The following PCSK7 variants were observed in gnomAD, a reference collection of about 807,000 sequenced individuals.
PCSK7 encodes the protein proprotein convertase subtilisin/kexin type 7.
In PCSK7, 38 loss-of-function variants were observed where a neutral mutation model predicts 73.3. The observed-to-expected ratio is 0.52, with a 90% CI of 0.40 to 0.68. The LOEUF (loss-of-function observed/expected upper bound fraction) is 0.68, where lower values mean the gene tolerates loss of function less well. Ranked by LOEUF, PCSK7 falls within the 30% of genes least tolerant of loss-of-function variation. The pLI is 0.00. For missense variants in PCSK7, 692 were observed against 991.5 expected (o/e 0.70, Z 4.06); for synonymous variants, 296 against 383.8 (o/e 0.77, Z 2.68).
Position 117,225,967 on chromosome 11 carries a change from T to C in PCSK7, c.824A>G (p.Asn275Ser). The change falls in exon 6 of 17, where the codon AAC becomes AGC. Residue 275 changes from asparagine (N) to serine (S), a missense_variant. Transcript: ENST00000320934. ...GATGTCATTGATCTGATAGTGCTTGTTGAACGCCACTGCCTCCATGCTGTC... is the reference window on the plus strand; with the variant it reads ...GATGTCATTGATCTGATAGTGCTTGCTGAACGCCACTGCCTCCATGCTGTC... ...LTDSMEAVAF[N>S]KHYQINDIYS... 6.2e-7 allele frequency: 1 copy of C among 1,612,492 alleles called. No homozygotes were observed. The highest frequency in any genetic ancestry group is 8.5e-7 in the Non-Finnish European group (1 of 1,178,532).
chr11:117,230,561 A>C (rs192276492), intron 1 of PCSK7, 93 bp from the exon 2 acceptor site: 1 of 152,376 alleles, frequency 6.6e-6, no homozygotes, highest in African/African-American at 2.4e-5. Flanking sequence ...GACCAAAGAA[A>C]CTTCATTAAT....
At chr11:117,223,350 G>A in intron 8 of PCSK7, 42 bp from the exon 9 acceptor site, 1 of 1,228,332 alleles carries the variant, frequency 8.1e-7, no homozygotes, top group Non-Finnish European at 1.2e-6. Flanking sequence ...ATGCAGAGGG[G>A]GTCCTGTGGC....
chr11:117,218,852 T>C lies in PCSK7; in HGVS notation c.1431+205A>G, dbSNP rs2032088477. On this transcript the variant is annotated intron_variant, in intron 11 of 16. Coordinates refer to ENST00000320934, the MANE Select transcript of PCSK7 (RefSeq NM_004716.4). This position sits in a 1 kb window ranked among gnomAD's most constrained non-coding sequence, Gnocchi z 4.0. ...ACTCAGGTCCCATTTACTCTATTAG[T>C]AGTTTGGAAACTTCAGTGATAGCAT... is the stretch of plus-strand genomic sequence containing the variant. 4 of 586,682 alleles carry C rather than the reference T, an allele frequency of 6.8e-6. No individual in the cohort carries two copies. Among genetic ancestry groups the C allele is most frequent in the East Asian group, 2.8e-5 (1 of 35,808 alleles). The allele number at this position is 586,682 out of a possible 1,614,324, so 36.3% of individuals were successfully genotyped here. A position where few individuals can be genotyped will look rare whatever the true frequency, so the allele number is the denominator to read the frequency against.
chr11:117,214,748 A>C (rs1369059437), intron 12 of PCSK7: 2 of 152,298 alleles, frequency 1.3e-5, no homozygotes, highest in African/African-American at 4.8e-5. Flanking sequence ...GGTAGCAGGG[A>C]CTTGCATTTG....
chr11:117,205,169 A>T lies in PCSK7; in HGVS notation c.*828T>A, dbSNP rs1362995274. 1 of 233,098 alleles carries T rather than the reference A, an allele frequency of 4.3e-6. No individual in the cohort carries two copies. Among genetic ancestry groups the T allele is most frequent in the Admixed American group, 5.6e-5 (1 of 17,758 alleles). 14.4% of individuals were successfully genotyped at this position (233,098 alleles called of 1,614,324 possible). A position where few individuals can be genotyped will look rare whatever the true frequency, so the allele number is the denominator to read the frequency against. On this transcript the variant is annotated 3_prime_UTR_variant, in exon 17 of 17. Coordinates refer to ENST00000320934, the MANE Select transcript of PCSK7 (RefSeq NM_004716.4). ...AAAACAAATCTTAAGCATTAAAAAAAATTCAACCAACTAGCTCAGAAGAGG... is the reference window on the plus strand; with the variant it reads ...AAAACAAATCTTAAGCATTAAAAAATATTCAACCAACTAGCTCAGAAGAGG...
At chr11:117,217,731 A>G (rs2032041740) in intron 12 of PCSK7, 1 of 152,224 alleles carries the variant, frequency 6.6e-6, no homozygotes, top group South Asian at 2.1e-4. Context: ...TGCAAAAAGT[A>G]GTAAATGACT....
intron 12 of PCSK7, chr11:117,211,894 C>T (rs570201944): frequency 3.9e-5 from 6 of 152,350 alleles, no homozygotes; most frequent in African/African-American, 1.4e-4. Flanking sequence ...GTACCTACTT[C>T]ATAGGTTTGA....
chr11:117,229,675 TG>T lies in PCSK7; in HGVS notation c.169del (p.His57ThrfsTer28), dbSNP rs1283761784. 6.2e-7 allele frequency: 1 copy of T among 1,613,870 alleles called. No homozygotes were observed. The highest frequency in any genetic ancestry group is 8.5e-7 in the Non-Finnish European group (1 of 1,179,744). ...QGTGGPSWAV[H>X]LESLEGDGEE... ...CCCGTCACCTTCCAGGCTTTCCAGG[TG>T]CACAGCCCAGCTCGGCCCCCCTGTG... On this transcript the variant is annotated frameshift_variant, in exon 3 of 17. Coordinates refer to ENST00000320934, the MANE Select transcript of PCSK7 (RefSeq NM_004716.4). LOFTEE classifies it high-confidence loss of function.
At chr11:117,215,917 G>A (rs2031966835) in intron 12 of PCSK7, 2 of 152,038 alleles carry the variant, frequency 1.3e-5, no homozygotes, top group South Asian at 2.1e-4. Flanking sequence ...GTGCAGTAGT[G>A]CAACCATGGC....
chr11:117,225,830 C>A lies in PCSK7; in HGVS notation c.860+101G>T, dbSNP rs553246616. The A allele has an allele frequency of 5.4e-6, 4 of 746,004 alleles. No homozygotes were observed. The African/African-American group carries it at 6.8e-5, about 13-fold the overall frequency. 46.2% of individuals were successfully genotyped at this position (746,004 alleles called of 1,614,324 possible). ...TTATTAGCTGAACCCAATGAGGAGA[C>A]CCCTGCTCCGGCCTAAGTCAGCCCA... On this transcript the variant is annotated intron_variant, in intron 6 of 16. Transcript: ENST00000320934.
intron 12 of PCSK7, chr11:117,211,772 C>T (rs1352189991): frequency 6.6e-6 from 1 of 152,374 alleles, no homozygotes; most frequent in African/African-American, 2.4e-5. Flanking sequence ...CTGCCACCTA[C>T]CAGTGTTAAG....
At chr11:117,209,770 G>C (rs2031629864) in intron 12 of PCSK7, 1 of 153,318 alleles carries the variant, frequency 6.5e-6, no homozygotes, top group Non-Finnish European at 1.5e-5. Context: ...CTTGAGCCTG[G>C]GAGGTGGAGA....
intron 12 of PCSK7, chr11:117,213,998 C>A (rs1220042626): frequency 7.2e-6 from 1 of 138,418 alleles, no homozygotes; most frequent in Non-Finnish European, 1.5e-5. Context: ...TGCTCGGTCA[C>A]CAGGCTGCAG....
chr11:117,230,115 G>C (rs919395195), intron 2 of PCSK7: 1 of 417,930 alleles, frequency 2.4e-6, no homozygotes, highest in Non-Finnish European at 4.3e-6. Context: ...CACGACACCA[G>C]CTAATCCAGC....
Position 117,218,638 on chromosome 11 carries a change from A to G in PCSK7, c.1432-70T>C. The G allele has an allele frequency of 1.2e-6, 1 of 802,088 alleles. No individual in the cohort carries two copies. The highest frequency in any genetic ancestry group is 2.1e-6 in the Non-Finnish European group (1 of 483,898). 49.7% of individuals were successfully genotyped at this position (802,088 alleles called of 1,614,324 possible). A position where few individuals can be genotyped will look rare whatever the true frequency, so the allele number is the denominator to read the frequency against. ...ATCACACCCACATTCTCACAAACAC[A>G]CACGCCCTTGTCAATACGATCTTGA... On this transcript the variant is annotated intron_variant, in intron 11 of 16. Transcript: ENST00000320934. This position sits in a 1 kb window ranked among gnomAD's most constrained non-coding sequence, Gnocchi z 4.0.
At chr11:117,210,616 G>A (rs1461552107) in intron 12 of PCSK7, 3 of 152,058 alleles carry the variant, frequency 2.0e-5, no homozygotes, top group African/African-American at 7.2e-5. Flanking sequence ...CTCAGCCTCC[G>A]AAAGTGCTGG....
At position 117,229,563 on chromosome 11, in the gene PCSK7, C is replaced by T. The variant is rs1448594555; in HGVS notation, c.282G>A (p.Gly94=). 2.5e-6 allele frequency: 4 copies of T among 1,613,872 alleles called. No individual in the cohort carries two copies. Among genetic ancestry groups the T allele is most frequent in the Middle Eastern group, 3.3e-4 (2 of 6,062 alleles). The change falls in exon 3 of 17, where the codon GGG becomes GGA. Residue 94 remains glycine, a synonymous_variant. Transcript: ENST00000320934. ...VNAGRIGELQ[G]HYLFVQPAGH... ...CAGCAGGCTGGACAAAGAGGTAGTG[C>T]CCCTGAAGCTCTCCGATGCGTCCAG...
chr11:117,219,247 G>T, intron 10 of PCSK7, 83 bp from the exon 11 acceptor site: 1 of 1,018,664 alleles, frequency 9.8e-7, no homozygotes, highest in Non-Finnish European at 1.5e-6. Flanking sequence ...TGCTTGCCCT[G>T]CTGGCTGATC....
intron 6 of PCSK7, 25 bp from the exon 7 acceptor site, chr11:117,224,780 G>C (rs1249264348): frequency 6.3e-7 from 1 of 1,595,228 alleles, no homozygotes. Flanking sequence ...ATACCTAGAG[G>C]GGACAGCCAG....
Sources: allele counts gnomAD v4.1 joint callset, GRCh38; gene constraint gnomAD v4.1.1; non-coding constraint Gnocchi (gnomAD v3.1); transcripts MANE v1.5; gene names NCBI Gene and HGNC (gene_info 2026-07-23, HGNC 2026-07-21).